The following LGSN variants were observed in gnomAD, a reference collection of about 807,000 sequenced individuals.
LGSN encodes lengsin.
Under a neutral mutation model 19.5 loss-of-function variants are expected in LGSN, and 21 were observed. The ratio of observed to expected loss-of-function variants is 1.07; its 90% CI spans 0.76 to 1.55. The LOEUF (loss-of-function observed/expected upper bound fraction) is 1.55, where lower values mean the gene tolerates loss of function less well. LGSN is among the 40% of genes most tolerant of loss of function. The pLI, the probability that LGSN is intolerant of heterozygous loss-of-function variation, is 0.00. For missense variants in LGSN, 673 were observed against 608.5 expected, an observed-to-expected ratio of 1.11 and a Z score of -1.12; for synonymous variants, 257 against 215.6, an observed-to-expected ratio of 1.19 and a Z score of -1.68.
At chr6:63,457,670 G>T in the LGSN span, among the ~76,000 whole-genome samples, 1 of 152,260 alleles carries the variant, frequency 6.6e-6, no homozygotes, top group Middle Eastern at 3.4e-3. Flanking sequence ...TTGAAGTCAG[G>T]AGTCCAAGAC....
At position 63,280,416 on chromosome 6, in the gene LGSN, T is replaced by C; in HGVS notation, c.1135A>G (p.Ser379Gly). 6.2e-7 allele frequency: 1 copy of C among 1,614,202 alleles called. No homozygotes were observed. Among genetic ancestry groups the C allele is most frequent in the Non-Finnish European group, 8.5e-7 (1 of 1,180,010 alleles). ...YSKDRKDLKK[S>G]VPTTWGYNDN... Reference sequence around the variant, plus strand: ...TTGTATCCCCATGTTGTAGGCACACTCTTCTTCAGGTCTTTCCTGTCCTTG... The same window carrying C: ...TTGTATCCCCATGTTGTAGGCACACCCTTCTTCAGGTCTTTCCTGTCCTTG... The change falls in exon 4 of 4, where the codon AGT (serine) becomes GGT (glycine). Residue 379 changes from serine to glycine, a missense_variant. Physicochemically the swap from Ser to Gly is moderately conservative, Grantham distance 56. Coordinates refer to ENST00000370657, the MANE Select transcript of LGSN (RefSeq NM_016571.3).
At chr6:63,468,352 T>C in the LGSN span, among the ~76,000 whole-genome samples, 1 of 152,142 alleles carries the variant, frequency 6.6e-6, no homozygotes, top group Non-Finnish European at 1.5e-5. Flanking sequence ...GGTCTCGAAC[T>C]CCTGACCTCA....
At chr6:63,452,652 T>TC in the LGSN span, among the ~76,000 whole-genome samples, 5 of 129,408 alleles carry the variant, frequency 3.9e-5, no homozygotes, top group African/African-American at 8.8e-5. Flanking sequence ...GTATGTTATC[T>TC]TTCTCTCTCT....
At chr6:63,390,645 A>G in the LGSN span, among the ~76,000 whole-genome samples, 2 of 151,522 alleles carry the variant, frequency 1.3e-5, no homozygotes, top group Non-Finnish European at 2.9e-5. Flanking sequence ...TCACGAGGTC[A>G]GGAGATCGAG....
At chr6:63,416,122 T>C in the LGSN span, among the ~76,000 whole-genome samples, 1 of 144,512 alleles carries the variant, frequency 6.9e-6, no homozygotes, top group Non-Finnish European at 1.5e-5. Context: ...GCTTTTTTTT[T>C]TGCTTTTTTT....
chr6:63,452,623 G>T, the LGSN span, among the ~76,000 whole-genome samples: 1 of 150,218 alleles, frequency 6.7e-6, no homozygotes, highest in Non-Finnish European at 1.5e-5. Context: ...TGATGTCCCC[G>T]ATTTTATTCC....
the LGSN span, among the ~76,000 whole-genome samples, chr6:63,397,883 T>C: frequency 6.6e-6 from 1 of 151,898 alleles, no homozygotes; most frequent in Admixed American, 6.6e-5. Context: ...GAGGTTGCAA[T>C]GAGACAAGAT....
chr6:63,545,576 A>C, the LGSN span, among the ~76,000 whole-genome samples: 1 of 151,962 alleles, frequency 6.6e-6, no homozygotes, highest in Admixed American at 6.6e-5. Flanking sequence ...ATGCCATTGC[A>C]CTCCAGCCTG....
the LGSN span, among the ~76,000 whole-genome samples, chr6:63,540,789 G>A: frequency 6.6e-6 from 1 of 150,930 alleles, no homozygotes; most frequent in East Asian, 2.0e-4. Context: ...TAGCAAATAG[G>A]ACCCCGTCTC....
chr6:63,474,883 G>A, the LGSN span, among the ~76,000 whole-genome samples: 1,371 of 113,246 alleles, frequency 0.012, 19 homozygotes, highest in African/African-American at 0.033. Context: ...AGAAGACTCC[G>A]TCTCAAAAAA....
chr6:63,360,426 A>G, the LGSN span, among the ~76,000 whole-genome samples: 1 of 152,050 alleles, frequency 6.6e-6, no homozygotes, highest in Non-Finnish European at 1.5e-5. Context: ...TTCCATCCTG[A>G]TACCCTTTCT....
the LGSN span, among the ~76,000 whole-genome samples, chr6:63,347,087 A>G: frequency 2.0e-5 from 3 of 152,128 alleles, no homozygotes; most frequent in East Asian, 5.8e-4. Flanking sequence ...AAGGGATTGG[A>G]AGCTCTGTGC....
chr6:63,544,288 C>T, the LGSN span, among the ~76,000 whole-genome samples: 3 of 152,200 alleles, frequency 2.0e-5, no homozygotes, highest in African/African-American at 4.8e-5. Flanking sequence ...TGAATTTTAA[C>T]ATCTTGCCAA....
chr6:63,449,286 G>A, the LGSN span, among the ~76,000 whole-genome samples: 1 of 152,174 alleles, frequency 6.6e-6, no homozygotes, highest in Admixed American at 6.6e-5. Context: ...CAGGCTGGGC[G>A]CGGTGGCTCC....
chr6:63,316,213 A>G (rs149282031), intron 1 of LGSN, among the ~76,000 whole-genome samples: 87 of 152,320 alleles, frequency 5.7e-4, no homozygotes, highest in African/African-American at 2.0e-3. Flanking sequence ...TGGAACATTC[A>G]TATGTGACCG....
chr6:63,408,713 C>T, the LGSN span, among the ~76,000 whole-genome samples: 1 of 150,970 alleles, frequency 6.6e-6, no homozygotes, highest in African/African-American at 2.5e-5. Flanking sequence ...TTCTGCACAG[C>T]AAAAGAAACT....
the LGSN span, among the ~76,000 whole-genome samples, chr6:63,475,364 T>C: frequency 6.9e-6 from 1 of 143,942 alleles, no homozygotes; most frequent in East Asian, 2.2e-4. Context: ...TTACCACCCA[T>C]AGAGACCCAA....
the LGSN span, among the ~76,000 whole-genome samples, chr6:63,326,970 G>A: frequency 1.2e-4 from 19 of 152,242 alleles, no homozygotes; most frequent in African/African-American, 3.6e-4. Context: ...AGGAGGCGCC[G>A]AGAGCGAGCG....
the LGSN span, among the ~76,000 whole-genome samples, chr6:63,330,496 A>G: frequency 6.6e-6 from 1 of 152,224 alleles, no homozygotes; most frequent in Non-Finnish European, 1.5e-5. Context: ...CTTATCTTTT[A>G]GAATCAATTG....
Sources: gnomAD v4.1 joint callset for allele counts (sites outside exome capture counted in the v4.1 genomes callset) on GRCh38, gnomAD v4.1.1 for gene constraint, MANE v1.5 for transcripts, NCBI Gene and HGNC (gene_info 2026-07-23, HGNC 2026-07-21) for gene names.